CUBN: variants seen among roughly 807,000 people sequenced by gnomAD.
CUBN encodes cubilin, also known as 460 kDa receptor.
CUBN carries 282 observed loss-of-function variants against 405.3 expected under a neutral mutation model. The observed-to-expected ratio is 0.70, with a 90% CI of 0.63 to 0.77. The LOEUF (loss-of-function observed/expected upper bound fraction) is 0.77, where lower values mean the gene tolerates loss of function less well. Ranked by LOEUF, CUBN falls within the 30% of genes least tolerant of loss-of-function variation. CUBN has a pLI of 0.00. For synonymous variants in CUBN, 1,684 were observed against 1,617.0 expected, an observed-to-expected ratio of 1.04 and a Z score of -0.99; for missense variants, 4,514 against 4,475.2, an observed-to-expected ratio of 1.01 and a Z score of -0.25.
intron 23 of CUBN, 42 bp downstream of exon 23, chr10:17,047,371 TA>T (rs767870525): frequency 5.5e-6 from 8 of 1,449,738 alleles, no homozygotes; most frequent in Middle Eastern, 2.2e-4. Context: ...TTAATGAGAA[TA>T]AATAATGAAA....
At chr10:17,071,765 T>G in intron 18 of CUBN, 62 bp downstream of exon 18, 1 of 1,571,532 alleles carries the variant, frequency 6.4e-7, no homozygotes, top group Non-Finnish European at 8.7e-7. Flanking sequence ...CTAAATTATT[T>G]TGAAGAATTA....
At chr10:17,033,454 C>T (rs150257934) in intron 27 of CUBN, among the ~76,000 whole-genome samples, 4 of 152,330 alleles carry the variant, frequency 2.6e-5, no homozygotes, top group Non-Finnish European at 5.9e-5. Flanking sequence ...AAAACAGTCA[C>T]ATGTCCATAG....
At chr10:17,114,281 C>T in intron 7 of CUBN, 92 bp from the exon 8 acceptor site, 1 of 1,292,056 alleles carries the variant, frequency 7.7e-7, no homozygotes, top group Admixed American at 1.9e-5. Flanking sequence ...ACTGTTTATC[C>T]TCTAACGTTC....
intron 59 of CUBN, among the ~76,000 whole-genome samples, chr10:16,859,078 C>T (rs7903266): frequency 0.02 from 3,032 of 152,224 alleles, 104 homozygotes; most frequent in African/African-American, 0.069. Context: ...AATTCTTAGA[C>T]TTGGTATCAA....
At chr10:16,882,681 C>T (rs1840696716) in intron 56 of CUBN, among the ~76,000 whole-genome samples, 1 of 152,138 alleles carries the variant, frequency 6.6e-6, no homozygotes. Flanking sequence ...GGGATATTTC[C>T]ATGTTGTAGA....
At chr10:16,929,793 G>C (rs1182047342) in intron 40 of CUBN, among the ~76,000 whole-genome samples, 1 of 152,078 alleles carries the variant, frequency 6.6e-6, no homozygotes, top group Admixed American at 6.6e-5. Context: ...CTGATTACCT[G>C]TACTACAAAA....
intron 58 of CUBN, among the ~76,000 whole-genome samples, chr10:16,873,487 C>T (rs1477249969): frequency 1.1e-4 from 16 of 152,002 alleles, no homozygotes; most frequent in South Asian, 6.2e-4. Flanking sequence ...CATGGGAGGC[C>T]GAGGCGGGAG....
In CUBN at chr10:17,068,138, A is replaced by T; in HGVS notation, c.2934T>A (p.His978Gln). Reference sequence around the variant, plus strand: ...TTGTGCAATTGTAATGAAACTCCAGATGAAATGTTTCGAACATTAAATGAA... The same window carrying T: ...TTGTGCAATTGTAATGAAACTCCAGTTGAAATGTTTCGAACATTAAATGAA... ...HLIHLMFETF[H>Q]LEFHYNCTND... Residue 978 changes from histidine to glutamine, a missense_variant, in exon 21 of 67, where the codon CAT becomes CAA. Transcript: ENST00000377833. 1 of 1,613,724 alleles carries T rather than the reference A, an allele frequency of 6.2e-7. No individual in the cohort carries two copies.
intron 59 of CUBN, 48 bp from the exon 60 acceptor site, chr10:16,851,491 T>G (rs1209262058): frequency 6.6e-7 from 1 of 1,512,650 alleles, no homozygotes; most frequent in Non-Finnish European, 9.2e-7. Flanking sequence ...AGAACCGACC[T>G]TACATTGTAC....
chr10:16,852,938 CT>C (rs1839763533), intron 59 of CUBN, among the ~76,000 whole-genome samples: 1 of 152,118 alleles, frequency 6.6e-6, no homozygotes, highest in African/African-American at 2.4e-5. Flanking sequence ...TTAACTTTTT[CT>C]TTTCCAAAAC....
intron 34 of CUBN, 32 bp downstream of exon 34, chr10:16,949,969 C>G (rs761270601): frequency 2.7e-6 from 4 of 1,487,878 alleles, no homozygotes; most frequent in Non-Finnish European, 3.7e-6. Context: ...ACAGCCAAGA[C>G]CACAGATGTA....
intron 60 of CUBN, among the ~76,000 whole-genome samples, chr10:16,849,277 A>G (rs1456834487): frequency 6.6e-6 from 1 of 151,970 alleles, no homozygotes; most frequent in Non-Finnish European, 1.5e-5. Context: ...TTATCTTTTC[A>G]TGACGCGTCT....
At chr10:16,880,288 A>G (rs1195354845) in intron 56 of CUBN, among the ~76,000 whole-genome samples, 1 of 152,174 alleles carries the variant, frequency 6.6e-6, no homozygotes, top group Non-Finnish European at 1.5e-5. Context: ...TGATTGACTG[A>G]TTGATAATTC....
chr10:16,915,965 G>A lies in CUBN; in HGVS notation c.7066C>T (p.Pro2356Ser). The change falls in exon 46 of 67, where the codon CCA (proline) becomes TCA (serine). Residue 2356 changes from proline to serine, a missense_variant. Transcript: ENST00000377833. ...TCACAGAATAAGTTGTCTCTGTATG[G>A]AAGTGTTGGATGTCCAATGCTTTCA... Reference protein sequence around the residue: ...VVESIGHPTLPYRDNLFCEWH... With the variant: ...VVESIGHPTLSYRDNLFCEWH... The A allele has an allele frequency of 6.2e-7, 1 of 1,614,096 alleles. No individual in the cohort carries two copies. Among genetic ancestry groups the A allele is most frequent in the Non-Finnish European group, 8.5e-7 (1 of 1,180,016 alleles).
intron 65 of CUBN, among the ~76,000 whole-genome samples, chr10:16,830,980 G>A (rs1407284584): frequency 2.6e-5 from 4 of 152,006 alleles, no homozygotes; most frequent in East Asian, 3.9e-4. Context: ...TCAGCTACTT[G>A]GGAAGCTGAG....
intron 23 of CUBN, 120 bp downstream of exon 23, chr10:17,047,294 A>G: frequency 2.7e-6 from 2 of 740,456 alleles, no homozygotes; most frequent in South Asian, 2.0e-5. Flanking sequence ...CTTGCAAGAA[A>G]GTGCACAGCA....
intron 60 of CUBN, among the ~76,000 whole-genome samples, chr10:16,849,946 C>T (rs912935843): frequency 1.3e-5 from 2 of 152,226 alleles, no homozygotes; most frequent in Admixed American, 6.5e-5. Flanking sequence ...TTTGTAATCT[C>T]GGTATTTCTC....
Position 16,928,160 on chromosome 10 carries a change from T to A in CUBN, c.6268A>T (p.Lys2090Ter), listed in dbSNP as rs201374966. 6.2e-7 allele frequency: 1 copy of A among 1,613,488 alleles called. No homozygotes were observed. Among genetic ancestry groups the A allele is most frequent in the African/African-American group, 1.3e-5 (1 of 74,860 alleles). The change falls in exon 41 of 67, where the codon AAG becomes TAG. Residue 2090 changes from lysine to a stop codon, truncating the protein, a stop_gained. Transcript: ENST00000377833. LOFTEE classifies it high-confidence loss of function. Reference sequence around the variant, plus strand: ...AAAAAATATTTGAACTCATTACTCTTGTGAAAGGATGCATTGAAGCCTGCC... The same window carrying A: ...AAAAAATATTTGAACTCATTACTCTAGTGAAAGGATGCATTGAAGCCTGCC... The part of the protein sequence containing the change: ...TRAGFNASFH[K>*]SCGGYLHADR...
chr10:16,855,133 T>G (rs1003296523), intron 59 of CUBN, among the ~76,000 whole-genome samples: 2 of 137,176 alleles, frequency 1.5e-5, no homozygotes, highest in African/African-American at 5.3e-5. Flanking sequence ...TTCTTCTAGA[T>G]GAGGACTTGC....
Sources: gnomAD v4.1 joint callset for allele counts (sites outside exome capture counted in the v4.1 genomes callset) on GRCh38, gnomAD v4.1.1 for gene constraint, MANE v1.5 for transcripts, NCBI Gene and HGNC (gene_info 2026-07-23, HGNC 2026-07-21) for gene names.